Variants in SLC30A10 observed in about 807,000 individuals in gnomAD.
The protein encoded by SLC30A10 is solute carrier family 30 member 10.
SLC30A10 carries 8 observed loss-of-function variants against 21.7 expected under a neutral mutation model. That is an observed-to-expected ratio of 0.37 (90% CI 0.22 to 0.67). SLC30A10 has a LOEUF of 0.67. Ranked by LOEUF, SLC30A10 falls within the 30% of genes least tolerant of loss-of-function variation. SLC30A10 has a pLI of 0.58. For missense variants in SLC30A10, 521 were observed against 642.5 expected, an observed-to-expected ratio of 0.81 and a Z score of 2.04; for synonymous variants, 272 against 279.4, an observed-to-expected ratio of 0.97 and a Z score of 0.26.
At chr1:219,932,705 CTTTTTTT>C (rs58052957), upstream of SLC30A10, among the ~76,000 whole-genome samples, 1 of 64,888 alleles carries the variant, frequency 1.5e-5, no homozygotes, top group Non-Finnish European at 3.3e-5. Context: ...AGTAACCATT[CTTTTTTT>C]TTTTTTTTTT....
At chr1:219,954,680 C>CAAA (rs11325622) in intron 1 of SLC30A10, among the ~76,000 whole-genome samples, 12 of 89,144 alleles carry the variant, frequency 1.3e-4, no homozygotes, top group Admixed American at 3.2e-4. Flanking sequence ...GACTCCATCT[C>CAAA]AAAAAAAAAA....
At chr1:219,916,916 G>T (rs1659557064) in intron 3 of SLC30A10, among the ~76,000 whole-genome samples, 1 of 150,878 alleles carries the variant, frequency 6.6e-6, no homozygotes, top group Non-Finnish European at 1.5e-5. Context: ...TACATTTCTA[G>T]CATGTAGTAA....
intron 2 of SLC30A10, among the ~76,000 whole-genome samples, chr1:219,925,645 ATATATATTTTTTTT>A (rs1314102776): frequency 4.2e-5 from 3 of 71,560 alleles, no homozygotes; most frequent in South Asian, 5.4e-4. Flanking sequence ...ATATATATAT[ATATATATTTTTTTT>A]TTTTTTTTTT....
Position 219,915,536 on chromosome 1 carries a change from C to T in SLC30A10, c.1371G>A (p.Val457=). ...RRDAREVAIE[V]SLDSCLSDHG... ...GGTCACTCAGACAGCTATCCAAAGA[C>T]ACTTCAATAGCCACTTCTCTTGCGT... The change falls in exon 4 of 4, where the codon GTG becomes GTA. Residue 457 remains valine (V), a synonymous_variant. Coordinates refer to ENST00000366926, the MANE Select transcript of SLC30A10 (RefSeq NM_018713.3). 1 of 1,614,252 alleles carries T rather than the reference C, an allele frequency of 6.2e-7. No individual in the cohort carries two copies. Among genetic ancestry groups the T allele is most frequent in the Non-Finnish European group, 8.5e-7 (1 of 1,180,038 alleles).
chr1:219,925,525 C>T (rs1315855455), intron 2 of SLC30A10, among the ~76,000 whole-genome samples: 3 of 149,590 alleles, frequency 2.0e-5, no homozygotes, highest in Admixed American at 6.7e-5. Flanking sequence ...CAGAGCAGGA[C>T]TCCATCTCAA....
At chr1:219,944,860 C>T (rs529132351) in intron 1 of SLC30A10, among the ~76,000 whole-genome samples, 2 of 152,252 alleles carry the variant, frequency 1.3e-5, no homozygotes, top group South Asian at 2.1e-4. Context: ...AGTAAAATAG[C>T]AGTCTCAAGC....
In SLC30A10 at chr1:219,913,030, A is replaced by AT. The variant is rs138966747; in HGVS notation, c.*2418_*2419insA. Among the ~76,000 whole-genome samples the AT allele has an allele frequency of 7.4e-3, 1,121 of 152,352 alleles. 11 individuals carry two copies. Among genetic ancestry groups the AT allele is most frequent in the African/African-American group, 0.026 (1,064 of 41,580 alleles). On this transcript the variant is annotated 3_prime_UTR_variant, in exon 4 of 4. Transcript: ENST00000366926. ...TACTGCCACCAAGCAGGGCTGATTTAAAGGGAAAAAGAAAACTCTTGTATT... is the reference window on the plus strand; with the variant it reads ...TACTGCCACCAAGCAGGGCTGATTTATAAGGGAAAAAGAAAACTCTTGTATT...
rs1031440896 is a variant in SLC30A10, at chr1:219,910,867, C to A, written c.*4582G>T. On this transcript the variant is annotated 3_prime_UTR_variant, in exon 4 of 4. Transcript: ENST00000366926. ...AATAAAACACATGAAAAGAGAAGCA[C>A]CAGAAAATGACTCGTCTGCATTATC... 6.6e-6 allele frequency among the ~76,000 whole-genome samples: 1 copy of A among 152,224 alleles called. No homozygotes were observed. The highest frequency in any genetic ancestry group is 1.9e-4 in the East Asian group (1 of 5,184).
At chr1:219,949,178 C>A (rs1472211091) in intron 1 of SLC30A10, among the ~76,000 whole-genome samples, 23 of 152,208 alleles carry the variant, frequency 1.5e-4, no homozygotes, top group Non-Finnish European at 3.1e-4. Context: ...ACTAGTTCAA[C>A]CCTTGTGGAA....
chr1:219,925,515 C>T (rs1043954100), intron 2 of SLC30A10, among the ~76,000 whole-genome samples: 2 of 150,150 alleles, frequency 1.3e-5, no homozygotes, highest in Non-Finnish European at 3.0e-5. Context: ...GCCTGGGAGA[C>T]AGAGCAGGAC....
chr1:219,920,618 CTATTAT>C (rs1020102148), intron 2 of SLC30A10, among the ~76,000 whole-genome samples: 1 of 151,932 alleles, frequency 6.6e-6, no homozygotes, highest in African/African-American at 2.4e-5. Flanking sequence ...ATAATAATAA[CTATTAT>C]TATTATTATG....
chr1:219,930,454 C>T (rs1247243018), upstream of SLC30A10, among the ~76,000 whole-genome samples: 1 of 152,196 alleles, frequency 6.6e-6, no homozygotes, highest in Non-Finnish European at 1.5e-5. Flanking sequence ...GCCTGGGTGA[C>T]ATAGCAAGGC....
intron 1 of SLC30A10, among the ~76,000 whole-genome samples, chr1:219,945,806 A>AGAGAAGATCTTTAAAAGGTG (rs1491379960): frequency 6.6e-6 from 1 of 152,230 alleles, no homozygotes; most frequent in Admixed American, 6.5e-5. Flanking sequence ...TCAAAGACAA[A>AGAGAAGATCTTTAAAAGGTG]GAGAAGATCT....
At chr1:219,939,787 A>G (rs1199931916) in intron 1 of SLC30A10, among the ~76,000 whole-genome samples, 1 of 152,116 alleles carries the variant, frequency 6.6e-6, no homozygotes, top group Non-Finnish European at 1.5e-5. Flanking sequence ...AAGGAGCTGT[A>G]TCTGAGGAAT....
At chr1:219,930,068 C>G (rs1302971796), upstream of SLC30A10, among the ~76,000 whole-genome samples, 1 of 152,094 alleles carries the variant, frequency 6.6e-6, no homozygotes, top group Non-Finnish European at 1.5e-5. Flanking sequence ...TTCTCCTTCC[C>G]CATCCCTAGC....
chr1:219,943,392 G>C (rs1420795186), intron 1 of SLC30A10, among the ~76,000 whole-genome samples: 1 of 152,146 alleles, frequency 6.6e-6, no homozygotes, highest in African/African-American at 2.4e-5. Context: ...CCCTATCTCA[G>C]GGTGTCAACA....
In SLC30A10 at chr1:219,925,251, T is replaced by C. The variant is rs187265233; in HGVS notation, c.718+1777A>G. ...TTTGTAACATAAGAATGAGGATAGT[T>C]GGCCGGGTGCAGTGGCTCACACCTG... On this transcript the variant is annotated intron_variant, in intron 2 of 3. Transcript: ENST00000366926. Among the ~76,000 whole-genome samples, 22 of 152,250 alleles carry C rather than the reference T, an allele frequency of 1.4e-4. No individual in the cohort carries two copies. In the East Asian group the frequency reaches 4.3e-3, roughly 29 times the overall value.
chr1:219,932,917 C>T (rs921003281), upstream of SLC30A10, among the ~76,000 whole-genome samples: 3 of 151,028 alleles, frequency 2.0e-5, no homozygotes, highest in Middle Eastern at 3.4e-3. Flanking sequence ...CAAAATTAAC[C>T]GGGCGTGGTG....
chr1:219,949,295 GAC>G (rs1331668209), intron 1 of SLC30A10, among the ~76,000 whole-genome samples: 4 of 151,706 alleles, frequency 2.6e-5, no homozygotes, highest in African/African-American at 9.7e-5. Context: ...CTGCTATAAA[GAC>G]ACATGCACAC....
Sources: gnomAD v4.1 joint callset for allele counts (sites outside exome capture counted in the v4.1 genomes callset) on GRCh38, gnomAD v4.1.1 for gene constraint, MANE v1.5 for transcripts, NCBI Gene and HGNC (gene_info 2026-07-23, HGNC 2026-07-21) for gene names.